C16orf96: variants seen among roughly 807,000 people sequenced by gnomAD.
C16orf96 encodes the protein chromosome 16 open reading frame 96, also known as uncharacterized protein C16orf96.
In C16orf96, 108 loss-of-function variants were observed where a neutral mutation model predicts 103.6. That is an observed-to-expected ratio of 1.04 (90% confidence interval 0.89 to 1.22). The LOEUF (loss-of-function observed/expected upper bound fraction) is 1.22. Among genes scored for constraint, C16orf96 ranks in the 50% most tolerant of loss-of-function variants. The pLI is 0.00. For synonymous variants in C16orf96, 566 were observed against 593.5 expected, an observed-to-expected ratio of 0.95 and a Z score of 0.67; for missense variants, 1,586 against 1,464.2, an observed-to-expected ratio of 1.08 and a Z score of -1.36.
Position 4,594,442 on chromosome 16 carries a change from A to C in C16orf96, c.2959A>C (p.Lys987Gln). ...GDGPQNATSL[K>Q]CKSCNLLTLY... Reference sequence around the variant, plus strand: ...TGGCCCCCAAAACGCCACCAGCCTCAAGTGCAAGTCCTGCAACCTGTTGAC... The same window carrying C: ...TGGCCCCCAAAACGCCACCAGCCTCCAGTGCAAGTCCTGCAACCTGTTGAC... Residue 987 changes from lysine to glutamine, a missense_variant, in exon 13 of 16, where the codon AAG becomes CAG. Transcript: ENST00000444310. 1.3e-6 allele frequency: 2 copies of C among 1,551,516 alleles called. No individual in the cohort carries two copies. Among genetic ancestry groups the C allele is most frequent in the Non-Finnish European group, 1.7e-6 (2 of 1,146,988 alleles).
chr16:4,554,983 C>T (rs1301062530), upstream of C16orf96, among the ~76,000 whole-genome samples: 1 of 151,738 alleles, frequency 6.6e-6, no homozygotes, highest in Non-Finnish European at 1.5e-5. Flanking sequence ...GAACACTTGG[C>T]CAGGTGTGGT....
Position 4,593,356 on chromosome 16 carries a change from T to G in C16orf96, c.2867+40T>G. 7.3e-6 allele frequency: 11 copies of G among 1,514,200 alleles called. No homozygotes were observed. The highest frequency in any genetic ancestry group is 9.8e-6 in the Non-Finnish European group (11 of 1,117,626). The allele number at this position is 1,514,200 out of a possible 1,614,324, so 93.8% of individuals were successfully genotyped here. A position where few individuals can be genotyped will look rare whatever the true frequency, so the allele number is the denominator to read the frequency against. The stretch of plus-strand genomic sequence containing the variant: ...CGCCCCGCAGGGAGGCCGCCCCGCA[T>G]GGAGGCCACTCTGGAGCCTGGGAAC... On this transcript the variant is annotated intron_variant, in intron 12 of 15. Transcript: ENST00000444310. This position sits in a 1 kb window ranked among gnomAD's most constrained non-coding sequence, Gnocchi z 4.2.
At chr16:4,543,289 T>C in the C16orf96 span, among the ~76,000 whole-genome samples, 1 of 151,414 alleles carries the variant, frequency 6.6e-6, no homozygotes, top group African/African-American at 2.4e-5. Context: ...AAACACAGAG[T>C]GTGTGGGGAA....
At chr16:4,546,080 C>T in the C16orf96 span, among the ~76,000 whole-genome samples, 2 of 151,764 alleles carry the variant, frequency 1.3e-5, no homozygotes, top group Non-Finnish European at 2.9e-5. Context: ...GAACTCCTGA[C>T]CTCATGATCC....
the C16orf96 span, among the ~76,000 whole-genome samples, chr16:4,549,428 G>A: frequency 2.2e-4 from 32 of 142,312 alleles, no homozygotes; most frequent in East Asian, 5.8e-3. Context: ...AGCCAAGATC[G>A]CGCCACTGCA....
rs766128669 is a variant in C16orf96, at chr16:4,575,019, G to A, written c.654G>A (p.Met218Ile). 21 of 1,551,392 alleles carry A rather than the reference G, an allele frequency of 1.4e-5. No individual in the cohort carries two copies. The South Asian group carries it at 2.3e-4, about 17-fold the overall frequency. ...AAACCATCCCCAAAACCGAGGACAT[G>A]GTGCTCTGGAGTGGCCTTCATGATG... ...KFKTIPKTEDMVLWSGLHDAM... is the reference protein window; with the variant it reads ...KFKTIPKTEDIVLWSGLHDAM... The change falls in exon 4 of 16, where the codon ATG (methionine) becomes ATA (isoleucine). Residue 218 changes from methionine to isoleucine, a missense_variant. Met to Ile is a conservative substitution (Grantham distance 10, BLOSUM62 1). Transcript: ENST00000444310.
intron 1 of C16orf96, among the ~76,000 whole-genome samples, chr16:4,568,853 C>T (rs2059408287): frequency 6.6e-6 from 1 of 151,904 alleles, no homozygotes; most frequent in African/African-American, 2.4e-5. Context: ...TGGTTTCGAA[C>T]TCCTGGGCTC....
At position 4,580,066 on chromosome 16, in the gene C16orf96, C is replaced by G; in HGVS notation, c.2293C>G (p.Arg765Gly). The change falls in exon 7 of 16, where the codon CGC becomes GGC. Residue 765 changes from arginine to glycine, a missense_variant. Physicochemically the swap from Arg to Gly is moderately radical, Grantham distance 125. Transcript: ENST00000444310. ...WGNQIEMMKD[R>G]YITLDKAVEN... Reference sequence around the variant, plus strand: ...CAACCAAATAGAGATGATGAAGGATCGCTACATCACTTTGGACAAGGCGGT... The same window carrying G: ...CAACCAAATAGAGATGATGAAGGATGGCTACATCACTTTGGACAAGGCGGT... 6.5e-7 allele frequency: 1 copy of G among 1,549,602 alleles called. No homozygotes were observed. Among genetic ancestry groups the G allele is most frequent in the South Asian group, 1.2e-5 (1 of 83,886 alleles).
intron 1 of C16orf96, among the ~76,000 whole-genome samples, chr16:4,557,130 C>T (rs922780046): frequency 2.6e-5 from 4 of 152,096 alleles, no homozygotes; most frequent in Admixed American, 1.3e-4. Context: ...CCACCACACC[C>T]GGCTAATTTT....
intron 8 of C16orf96, among the ~76,000 whole-genome samples, chr16:4,587,542 AAAAAAAG>A (rs1276770204): frequency 2.6e-5 from 4 of 151,410 alleles, no homozygotes; most frequent in African/African-American, 9.7e-5. Context: ...AAAAAAAAAA[AAAAAAAG>A]AAAGAAAGAA....
chr16:4,592,977 G>A (rs1897093486), intron 11 of C16orf96, among the ~76,000 whole-genome samples: 1 of 152,238 alleles, frequency 6.6e-6, no homozygotes, highest in East Asian at 1.9e-4. Context: ...GCCTAGCCTG[G>A]TTTTTACTTT....
intron 15 of C16orf96, among the ~76,000 whole-genome samples, chr16:4,599,734 A>G (rs1287556581): frequency 6.6e-6 from 1 of 152,234 alleles, no homozygotes; most frequent in Non-Finnish European, 1.5e-5. Context: ...CCTGTGAGGC[A>G]GGCACTGTTT....
chr16:4,551,725 T>G (rs1451873195), upstream of C16orf96, among the ~76,000 whole-genome samples: 5 of 152,162 alleles, frequency 3.3e-5, no homozygotes, highest in African/African-American at 1.2e-4. Context: ...GTGCTCAGAT[T>G]ATAGGCTTGA....
chr16:4,579,305 C>T (rs991983319), intron 6 of C16orf96, among the ~76,000 whole-genome samples: 1 of 151,992 alleles, frequency 6.6e-6, no homozygotes, highest in African/African-American at 2.4e-5. Context: ...GTAATCCCAA[C>T]GCTTTACAAG....
At chr16:4,562,004 C>T (rs2141695785) in intron 1 of C16orf96, among the ~76,000 whole-genome samples, 1 of 152,172 alleles carries the variant, frequency 6.6e-6, no homozygotes, top group African/African-American at 2.4e-5. Context: ...CATTGTGGGT[C>T]CAAGGCTTAG....
At chr16:4,559,478 G>A (rs2059304558) in intron 1 of C16orf96, among the ~76,000 whole-genome samples, 1 of 152,072 alleles carries the variant, frequency 6.6e-6, no homozygotes, top group Admixed American at 6.6e-5. Context: ...TTGAACCCTG[G>A]AGGTGGAGGT....
the C16orf96 span, chr16:4,538,828 T>A: frequency 6.8e-6 from 1 of 147,830 alleles, no homozygotes; most frequent in Non-Finnish European, 1.5e-5. Flanking sequence ...GACGTCACGG[T>A]GGGGGGTGGG....
chr16:4,573,624 T>C (rs1330826996), intron 2 of C16orf96, among the ~76,000 whole-genome samples: 1 of 146,432 alleles, frequency 6.8e-6, no homozygotes, highest in Non-Finnish European at 1.5e-5. Flanking sequence ...TGGTGGCAGG[T>C]ACCTGTAGTC....
At chr16:4,548,846 A>C in the C16orf96 span, among the ~76,000 whole-genome samples, 12 of 143,946 alleles carry the variant, frequency 8.3e-5, no homozygotes, top group Non-Finnish European at 1.7e-4. Flanking sequence ...ACGCCATTGC[A>C]CTCCAGCCTG....
Sources: gnomAD v4.1 joint callset for allele counts (sites outside exome capture counted in the v4.1 genomes callset) on GRCh38, gnomAD v4.1.1 for gene constraint, Gnocchi (gnomAD v3.1) non-coding constraint, MANE v1.5 for transcripts, NCBI Gene and HGNC (gene_info 2026-07-23, HGNC 2026-07-21) for gene names.